The following E2F3 variants were observed in gnomAD, a reference collection of about 807,000 sequenced individuals.
The protein encoded by E2F3 is E2F transcription factor 3, also known as transcription factor E2F3.
E2F3 carries 11 observed loss-of-function variants against 44.4 expected under a neutral mutation model. The ratio of observed to expected loss-of-function variants is 0.25; its 90% confidence interval spans 0.16 to 0.41. E2F3 has a LOEUF of 0.41. Ranked by LOEUF, E2F3 falls within the 10% of genes least tolerant of loss-of-function variation. The probability of loss-of-function intolerance (pLI) is 1.00; values close to 1 mark genes in which losing one functional copy is unlikely to be tolerated. For synonymous variants in E2F3, 249 were observed against 253.0 expected (o/e 0.98, Z 0.15); for missense variants, 487 against 583.6 (o/e 0.83, Z 1.70).
chr6:20,445,174 G>A, intron 1 of E2F3: 1 of 975,378 alleles, frequency 1.0e-6, no homozygotes, highest in Non-Finnish European at 1.2e-6. Context: ...CTTAAAAATA[G>A]AATACTACCA....
At chr6:20,403,957 C>G (rs934054558) in intron 1 of E2F3, 2 of 539,038 alleles carry the variant, frequency 3.7e-6, no homozygotes, top group Non-Finnish European at 6.4e-6. Flanking sequence ...GTTGGGTGCT[C>G]GAGGGAAATG....
intron 4 of E2F3, among the ~76,000 whole-genome samples, chr6:20,485,706 T>C (rs1459667662): frequency 6.6e-6 from 1 of 152,244 alleles, no homozygotes; most frequent in Non-Finnish European, 1.5e-5. Flanking sequence ...TCATGAACAC[T>C]GAAATATTGA....
chr6:20,469,102 G>A (rs1339887040), intron 1 of E2F3, among the ~76,000 whole-genome samples: 5 of 152,174 alleles, frequency 3.3e-5, no homozygotes, highest in African/African-American at 4.8e-5. Flanking sequence ...TGGTGCCAAC[G>A]AGCTAGAAAG....
intron 1 of E2F3, among the ~76,000 whole-genome samples, chr6:20,410,498 T>G (rs760239954): frequency 2.0e-5 from 3 of 152,232 alleles, no homozygotes; most frequent in Non-Finnish European, 4.4e-5. Context: ...GAGTTCTTAT[T>G]TGTAAAGTGC....
At position 20,481,200 on chromosome 6, in the gene E2F3, T is replaced by C; in HGVS notation, c.506-6T>C. The C allele has an allele frequency of 6.2e-7, 1 of 1,613,440 alleles. No individual in the cohort carries two copies. On this transcript the variant is annotated splice_region_variant and splice_polypyrimidine_tract_variant and intron_variant, in intron 2 of 6. Transcript: ENST00000346618. ...CCCACCCGCTCGGTTTTTGTTTTTC[T>C]TTAAGCTCCAAAATCTCCCTCAGAA... is the stretch of plus-strand genomic sequence containing the variant.
At chr6:20,407,816 C>T (rs1759540034) in intron 1 of E2F3, among the ~76,000 whole-genome samples, 1 of 152,206 alleles carries the variant, frequency 6.6e-6, no homozygotes, top group South Asian at 2.1e-4. Flanking sequence ...AACTTCAATT[C>T]CCTTTTAGTC....
intron 4 of E2F3, among the ~76,000 whole-genome samples, 192 bp from the exon 5 acceptor site, chr6:20,486,497 C>T (rs913006377): frequency 3.3e-5 from 5 of 152,228 alleles, no homozygotes; most frequent in African/African-American, 9.6e-5. Flanking sequence ...TGGTCTCCAT[C>T]TCCTGACCTC....
chr6:20,425,657 C>T (rs1760192479), intron 1 of E2F3, among the ~76,000 whole-genome samples: 1 of 152,208 alleles, frequency 6.6e-6, no homozygotes, highest in Non-Finnish European at 1.5e-5. Context: ...CTCGGCCTCC[C>T]AAAGTGCTGG....
At chr6:20,432,515 CGTTTAG>C (rs1760441921) in intron 1 of E2F3, among the ~76,000 whole-genome samples, 1 of 152,210 alleles carries the variant, frequency 6.6e-6, no homozygotes, top group South Asian at 2.1e-4. Flanking sequence ...ACAGACCTTA[CGTTTAG>C]GGAAAGCGTA....
chr6:20,435,916 A>G (rs1561859510), intron 1 of E2F3, among the ~76,000 whole-genome samples: 1 of 151,502 alleles, frequency 6.6e-6, no homozygotes, highest in South Asian at 2.1e-4. Flanking sequence ...GTCCCTATCA[A>G]CCTTCCCTGG....
chr6:20,439,813 CCA>C (rs1268473906), intron 1 of E2F3: 2 of 152,214 alleles, frequency 1.3e-5, no homozygotes, highest in Non-Finnish European at 2.9e-5. Flanking sequence ...CAAGCATGAG[CCA>C]CTGTACCTGG....
intron 1 of E2F3, among the ~76,000 whole-genome samples, chr6:20,422,550 C>T (rs1449837002): frequency 6.6e-6 from 1 of 152,214 alleles, no homozygotes; most frequent in Non-Finnish European, 1.5e-5. Context: ...TTTTGACGTA[C>T]ATTTCCTCAC....
In E2F3 at chr6:20,407,422, C is replaced by T. The variant is rs184335387; in HGVS notation, c.393+4797C>T. Among the ~76,000 whole-genome samples the T allele has an allele frequency of 1.1e-3, 171 of 152,206 alleles. 1 individual carries two copies. The highest frequency in any genetic ancestry group is 3.8e-3 in the African/African-American group (158 of 41,522). Reference sequence around the variant, plus strand: ...AAGGATTTTTTGTTTTTCTATAAATCGCCACCTTGTGTATTACTTGGAAGA... The same window carrying T: ...AAGGATTTTTTGTTTTTCTATAAATTGCCACCTTGTGTATTACTTGGAAGA... On this transcript the variant is annotated intron_variant, in intron 1 of 6. Coordinates refer to ENST00000346618, the MANE Select transcript of E2F3 (RefSeq NM_001949.5).
chr6:20,466,154 C>G (rs940171379), intron 1 of E2F3, among the ~76,000 whole-genome samples: 1 of 152,008 alleles, frequency 6.6e-6, no homozygotes, highest in Non-Finnish European at 1.5e-5. Context: ...GCTCTGTCAC[C>G]CAGGCTGGAG....
At chr6:20,424,210 G>GGTGTGTGTGTGTGT (rs57286350) in intron 1 of E2F3, among the ~76,000 whole-genome samples, 149 of 136,994 alleles carry the variant, frequency 1.1e-3, no homozygotes, top group Middle Eastern at 4.0e-3. Context: ...TCAGTGGAAG[G>GGTGTGTGTGTGTGT]GTGTGTGTGT....
At chr6:20,459,362 T>C (rs1761422818) in intron 1 of E2F3, among the ~76,000 whole-genome samples, 1 of 152,204 alleles carries the variant, frequency 6.6e-6, no homozygotes, top group African/African-American at 2.4e-5. Context: ...TCTGAAGAGA[T>C]GTACTGATTT....
chr6:20,426,720 AGG>A (rs982727154), intron 1 of E2F3, among the ~76,000 whole-genome samples: 1 of 152,210 alleles, frequency 6.6e-6, no homozygotes, highest in Non-Finnish European at 1.5e-5. Context: ...CCTCATGCCC[AGG>A]GCTTAAACTT....
At chr6:20,417,026 A>C (rs908762150) in intron 1 of E2F3, among the ~76,000 whole-genome samples, 2 of 152,090 alleles carry the variant, frequency 1.3e-5, no homozygotes, top group Non-Finnish European at 2.9e-5. Flanking sequence ...TGCTTTCCCC[A>C]CTTTTCTCCA....
chr6:20,455,631 T>C (rs1245724604), intron 1 of E2F3, among the ~76,000 whole-genome samples: 1 of 152,192 alleles, frequency 6.6e-6, no homozygotes, highest in Non-Finnish European at 1.5e-5. Flanking sequence ...GAGTCGAAGA[T>C]TAAGTACAAA....
Sources: allele counts gnomAD v4.1 joint callset (sites outside exome capture counted in the v4.1 genomes callset), GRCh38; gene constraint gnomAD v4.1.1; transcripts MANE v1.5; gene names NCBI Gene and HGNC (gene_info 2026-07-23, HGNC 2026-07-21).